PRKCA: variants seen among roughly 807,000 people sequenced by gnomAD.
PRKCA encodes the protein protein kinase C alpha, also known as protein kinase C alpha type.
PRKCA carries 27 observed loss-of-function variants against 87.0 expected under a neutral mutation model. The observed-to-expected ratio is 0.31, with a 90% CI of 0.23 to 0.43. The LOEUF is 0.43. Ranked by LOEUF, PRKCA falls within the 20% of genes least tolerant of loss-of-function variation. The pLI, the probability that PRKCA is intolerant of heterozygous loss-of-function variation, is 1.00. For synonymous variants in PRKCA, 329 were observed against 311.1 expected, an observed-to-expected ratio of 1.06 and a Z score of -0.61; for missense variants, 518 against 852.3, an observed-to-expected ratio of 0.61 and a Z score of 4.88.
chr17:66,549,540 C>T (rs1384839944), intron 3 of PRKCA, among the ~76,000 whole-genome samples: 1 of 152,158 alleles, frequency 6.6e-6, no homozygotes, highest in Admixed American at 6.5e-5. Context: ...TTGCCTGTGT[C>T]GTAGCCACCT....
At chr17:66,668,694 T>C (rs994213196) in intron 5 of PRKCA, among the ~76,000 whole-genome samples, 11 of 152,312 alleles carry the variant, frequency 7.2e-5, no homozygotes, top group African/African-American at 2.6e-4. Context: ...ATGGGGCCCA[T>C]TTTTAAAACA....
At chr17:66,730,983 G>T (rs538643294) in intron 8 of PRKCA, among the ~76,000 whole-genome samples, 34 of 152,158 alleles carry the variant, frequency 2.2e-4, no homozygotes, top group Non-Finnish European at 4.7e-4. Context: ...AACCACCAAG[G>T]TGTTGACTGG....
At chr17:66,742,224 G>A (rs1233220149) in intron 12 of PRKCA, among the ~76,000 whole-genome samples, 1 of 152,218 alleles carries the variant, frequency 6.6e-6, no homozygotes, top group Non-Finnish European at 1.5e-5. Context: ...AGGGACATGT[G>A]TATGACCCAG....
intron 2 of PRKCA, among the ~76,000 whole-genome samples, chr17:66,420,884 T>C (rs1912451175): frequency 6.6e-6 from 1 of 152,170 alleles, no homozygotes; most frequent in African/African-American, 2.4e-5. Context: ...TGCATTCCCC[T>C]CCTTTGTGGA....
chr17:66,523,371 C>T (rs1967235109), intron 3 of PRKCA, among the ~76,000 whole-genome samples: 1 of 152,186 alleles, frequency 6.6e-6, no homozygotes, highest in African/African-American at 2.4e-5. Context: ...GGTTGAATCT[C>T]AGCATCAACA....
intron 2 of PRKCA, among the ~76,000 whole-genome samples, chr17:66,435,307 G>A (rs1006975029): frequency 6.6e-6 from 1 of 152,210 alleles, no homozygotes; most frequent in African/African-American, 2.4e-5. Flanking sequence ...AACTAGCACA[G>A]TTTGAGACTT....
intron 14 of PRKCA, among the ~76,000 whole-genome samples, chr17:66,781,893 T>A (rs1568030805): frequency 1.4e-5 from 2 of 140,442 alleles, no homozygotes; most frequent in Admixed American, 7.0e-5. Flanking sequence ...ATATAGTGTG[T>A]GTGTGTGTGT....
intron 2 of PRKCA, among the ~76,000 whole-genome samples, chr17:66,424,728 G>A (rs1912695353): frequency 1.3e-5 from 2 of 152,026 alleles, no homozygotes; most frequent in Non-Finnish European, 2.9e-5. Context: ...GCATTGATAG[G>A]TTTCTGTGCT....
At chr17:66,359,914 T>C (rs1054045442) in intron 2 of PRKCA, among the ~76,000 whole-genome samples, 5 of 152,212 alleles carry the variant, frequency 3.3e-5, no homozygotes, top group African/African-American at 1.2e-4. Context: ...TCTGACTATT[T>C]AACCTCCTAC....
chr17:66,725,507 A>G (rs557962478), intron 8 of PRKCA, among the ~76,000 whole-genome samples: 1 of 152,164 alleles, frequency 6.6e-6, no homozygotes, highest in South Asian at 2.1e-4. Context: ...AGGAAGACAG[A>G]TCAATAAATC....
chr17:66,790,676 C>T (rs143637561), intron 16 of PRKCA, among the ~76,000 whole-genome samples: 30 of 152,292 alleles, frequency 2.0e-4, no homozygotes, highest in African/African-American at 7.2e-4. Context: ...GGGCAAAATC[C>T]AATTACCTGT....
intron 2 of PRKCA, among the ~76,000 whole-genome samples, chr17:66,417,600 C>T (rs1160222984): frequency 1.3e-5 from 2 of 152,136 alleles, no homozygotes; most frequent in Non-Finnish European, 1.5e-5. Flanking sequence ...CTCCTGCTGT[C>T]TCTTTTCTCA....
At chr17:66,332,159 C>A (rs1177955404) in intron 2 of PRKCA, among the ~76,000 whole-genome samples, 1 of 151,464 alleles carries the variant, frequency 6.6e-6, no homozygotes, top group African/African-American at 2.4e-5. Flanking sequence ...CTGGTGATAC[C>A]TAGGGCATCT....
At chr17:66,470,896 AAG>A (rs1915298030) in intron 2 of PRKCA, among the ~76,000 whole-genome samples, 1 of 152,194 alleles carries the variant, frequency 6.6e-6, no homozygotes, top group Admixed American at 6.5e-5. Flanking sequence ...ATCTCCAACT[AAG>A]AGTGTGTATA....
At chr17:66,434,612 A>G (rs1913272964) in intron 2 of PRKCA, among the ~76,000 whole-genome samples, 1 of 150,380 alleles carries the variant, frequency 6.6e-6, no homozygotes, top group Admixed American at 6.7e-5. Flanking sequence ...ATCTGGAAGC[A>G]CAGAGCCAGA....
At chr17:66,799,277 GTGGTGA>G in intron 16 of PRKCA, among the ~76,000 whole-genome samples, 1 of 63,500 alleles carries the variant, frequency 1.6e-5, no homozygotes, top group Non-Finnish European at 3.4e-5. Context: ...GGTGGTGGTG[GTGGTGA>G]TGGTGGTGGT....
intron 16 of PRKCA, among the ~76,000 whole-genome samples, chr17:66,799,938 TCTC>T (rs374080636): frequency 1.1e-3 from 170 of 152,118 alleles, no homozygotes; most frequent in African/African-American, 3.9e-3. Flanking sequence ...GAAGGGGACT[TCTC>T]TGTGGTTTGA....
At chr17:66,763,627 G>T (rs1420792526) in intron 13 of PRKCA, among the ~76,000 whole-genome samples, 1 of 152,128 alleles carries the variant, frequency 6.6e-6, no homozygotes, top group Non-Finnish European at 1.5e-5. Flanking sequence ...GATATTCTTT[G>T]TTTCCCTGAA....
intron 3 of PRKCA, among the ~76,000 whole-genome samples, chr17:66,624,823 T>TAAATAAATAAAA (rs2143711833): frequency 7.1e-6 from 1 of 140,996 alleles, no homozygotes; most frequent in African/African-American, 2.5e-5. Context: ...AATAAATAAA[T>TAAATAAATAAAA]AAAAAGAATT....
Sources: gnomAD v4.1 joint callset for allele counts (sites outside exome capture counted in the v4.1 genomes callset) on GRCh38, gnomAD v4.1.1 for gene constraint, MANE v1.5 for transcripts, NCBI Gene and HGNC (gene_info 2026-07-23, HGNC 2026-07-21) for gene names.